The following PEX14 variants were observed in gnomAD, a reference collection of about 807,000 sequenced individuals.
The protein encoded by PEX14 is peroxisomal biogenesis factor 14.
In PEX14, 15 loss-of-function variants were observed where a neutral mutation model predicts 49.5. That is an observed-to-expected ratio of 0.30 (90% CI 0.20 to 0.47). The LOEUF (loss-of-function observed/expected upper bound fraction) is 0.47. Among genes scored for constraint, PEX14 ranks in the 20% least tolerant of loss-of-function variants. PEX14 has a pLI of 1.00. For synonymous variants in PEX14, 210 were observed against 212.7 expected (o/e 0.99, Z 0.11); for missense variants, 398 against 494.8 (o/e 0.80, Z 1.86).
intron 5 of PEX14, among the ~76,000 whole-genome samples, chr1:10,622,283 T>G (rs1230056319): frequency 6.6e-6 from 1 of 152,228 alleles, no homozygotes; most frequent in Admixed American, 6.5e-5. Context: ...AGCCAGTTTC[T>G]TCTGGTCCTG....
At chr1:10,541,571 G>C (rs1639014579) in intron 3 of PEX14, among the ~76,000 whole-genome samples, 1 of 152,234 alleles carries the variant, frequency 6.6e-6, no homozygotes, top group African/African-American at 2.4e-5. Context: ...AGCCGCGCTT[G>C]TTCCTGAGGA....
intron 3 of PEX14, among the ~76,000 whole-genome samples, chr1:10,555,668 C>T (rs867527098): frequency 1.4e-5 from 1 of 71,868 alleles, no homozygotes; most frequent in Admixed American, 1.4e-4. Context: ...TGTGTGTGTG[C>T]ATGCACCCGT....
chr1:10,559,786 C>CA (rs1639597580), intron 3 of PEX14, among the ~76,000 whole-genome samples: 1 of 152,214 alleles, frequency 6.6e-6, no homozygotes, highest in African/African-American at 2.4e-5. Flanking sequence ...TCTGTGTCAT[C>CA]AGGCTGCTGC....
At chr1:10,585,846 A>G (rs74358354) in intron 3 of PEX14, among the ~76,000 whole-genome samples, 1 of 152,254 alleles carries the variant, frequency 6.6e-6, no homozygotes, top group Non-Finnish European at 1.5e-5. Context: ...CGGTGAGTGG[A>G]GATCACGCCA....
intron 2 of PEX14, among the ~76,000 whole-genome samples, chr1:10,509,472 T>C (rs1348325181): frequency 6.6e-6 from 1 of 152,226 alleles, no homozygotes; most frequent in Non-Finnish European, 1.5e-5. Context: ...TAAGGCATTT[T>C]ATTTCTTTAT....
chr1:10,628,764 C>A lies in PEX14; in HGVS notation c.678-767C>A, dbSNP rs572064737. Among the ~76,000 whole-genome samples the A allele has an allele frequency of 6.6e-6, 1 of 152,292 alleles. No homozygotes were observed. Among genetic ancestry groups the A allele is most frequent in the Admixed American group, 6.5e-5 (1 of 15,310 alleles). The stretch of plus-strand genomic sequence containing the variant: ...GTGGTGGGAGAGTTGTGTCTAAGGC[C>A]CCTGCTGGGGGACAGCCCTGCGGGC... On this transcript the variant is annotated intron_variant, in intron 8 of 8. Coordinates refer to ENST00000356607, the MANE Select transcript of PEX14 (RefSeq NM_004565.3). The surrounding 1 kb of genome is among the most constrained non-coding windows in gnomAD (Gnocchi z 4.5).
chr1:10,546,417 T>C (rs1278747267), intron 3 of PEX14, among the ~76,000 whole-genome samples: 1 of 151,100 alleles, frequency 6.6e-6, no homozygotes, highest in Admixed American at 6.6e-5. Context: ...AATACAAAAT[T>C]AGCCGGGTGT....
intron 2 of PEX14, among the ~76,000 whole-genome samples, chr1:10,526,436 C>T (rs1431455255): frequency 6.6e-6 from 1 of 152,064 alleles, no homozygotes; most frequent in Admixed American, 6.5e-5. Flanking sequence ...TCAGGCTGGT[C>T]TCAAACTCCT....
At chr1:10,492,369 G>T (rs1557809271) in intron 1 of PEX14, among the ~76,000 whole-genome samples, 1 of 152,124 alleles carries the variant, frequency 6.6e-6, no homozygotes, top group Non-Finnish European at 1.5e-5. Flanking sequence ...GTTTTGTCTG[G>T]TCAAATAACC....
chr1:10,567,980 CTT>C (rs1240029857), intron 3 of PEX14, among the ~76,000 whole-genome samples: 3 of 152,266 alleles, frequency 2.0e-5, no homozygotes, highest in Admixed American at 1.3e-4. Context: ...TTCATTATGT[CTT>C]TCAGCCAGTT....
chr1:10,598,099 G>T (rs146080365), intron 3 of PEX14, among the ~76,000 whole-genome samples: 17 of 152,362 alleles, frequency 1.1e-4, no homozygotes, highest in African/African-American at 3.8e-4. Flanking sequence ...CCGACCAGAT[G>T]TGGAAAAGCT....
chr1:10,582,287 T>G (rs1443954317), intron 3 of PEX14, among the ~76,000 whole-genome samples: 1 of 152,180 alleles, frequency 6.6e-6, no homozygotes, highest in East Asian at 1.9e-4. Context: ...TTATTCACAT[T>G]TATTCACACA....
At chr1:10,589,381 C>T (rs2124584878) in intron 3 of PEX14, among the ~76,000 whole-genome samples, 1 of 152,270 alleles carries the variant, frequency 6.6e-6, no homozygotes, top group Admixed American at 6.5e-5. Context: ...AGCCCATCCC[C>T]ACCCCAACCG....
At chr1:10,599,459 C>T (rs1557866467) in intron 4 of PEX14, 93 bp downstream of exon 4, 1 of 1,422,782 alleles carries the variant, frequency 7.0e-7, no homozygotes, top group Non-Finnish European at 9.9e-7. Context: ...ACTTAGCAAA[C>T]CAGGAGAAAC....
chr1:10,587,890 A>G (rs540895815), intron 3 of PEX14, among the ~76,000 whole-genome samples: 2 of 125,826 alleles, frequency 1.6e-5, no homozygotes, highest in Admixed American at 8.6e-5. Context: ...GTATACACAC[A>G]TGTGCTTTTT....
chr1:10,594,173 T>C (rs1398639689), intron 3 of PEX14, among the ~76,000 whole-genome samples: 1 of 152,204 alleles, frequency 6.6e-6, no homozygotes, highest in Non-Finnish European at 1.5e-5. Flanking sequence ...AAAATGTTCA[T>C]AAAATAAAAT....
intron 2 of PEX14, among the ~76,000 whole-genome samples, chr1:10,496,437 C>T (rs565633294): frequency 3.3e-5 from 5 of 152,164 alleles, no homozygotes; most frequent in Admixed American, 1.3e-4. Flanking sequence ...CTAGTCTCTC[C>T]GGACGTCTGC....
intron 1 of PEX14, among the ~76,000 whole-genome samples, chr1:10,475,212 G>T (rs115737178): frequency 0.011 from 1,632 of 151,812 alleles, 33 homozygotes; most frequent in African/African-American, 0.037. Flanking sequence ...CGGAGCCCGG[G>T]CTCTGGTGTT....
intron 1 of PEX14, among the ~76,000 whole-genome samples, chr1:10,478,235 A>G (rs1641229379): frequency 6.6e-6 from 1 of 152,106 alleles, no homozygotes; most frequent in East Asian, 1.9e-4. Flanking sequence ...GCCTGAAACA[A>G]TGTGTTGTCT....
Sources: allele counts gnomAD v4.1 joint callset (sites outside exome capture counted in the v4.1 genomes callset), GRCh38; gene constraint gnomAD v4.1.1; non-coding constraint Gnocchi (gnomAD v3.1); transcripts MANE v1.5; gene names NCBI Gene and HGNC (gene_info 2026-07-23, HGNC 2026-07-21).